Variants in DIAPH3 observed in about 807,000 individuals in gnomAD.
DIAPH3 encodes the protein diaphanous related formin 3, also known as protein diaphanous homolog 3.
In DIAPH3, 117 loss-of-function variants were observed where a neutral mutation model predicts 144.3. The observed-to-expected ratio is 0.81, with a 90% confidence interval of 0.70 to 0.95. The LOEUF is 0.95. Ranked by LOEUF, DIAPH3 falls within the 40% of genes least tolerant of loss-of-function variation. The pLI is 0.00. For missense variants in DIAPH3, 1,421 were observed against 1,412.7 expected (o/e 1.01, Z -0.09); for synonymous variants, 519 against 488.9 (o/e 1.06, Z -0.81).
intron 27 of DIAPH3, among the ~76,000 whole-genome samples, chr13:59,751,519 T>C (rs2037005566): frequency 6.6e-6 from 1 of 152,244 alleles, no homozygotes; most frequent in South Asian, 2.1e-4. Flanking sequence ...GAGTGTTATT[T>C]ACAAATCCAT....
intron 12 of DIAPH3, among the ~76,000 whole-genome samples, chr13:59,987,007 T>C (rs1437339477): frequency 6.6e-6 from 1 of 152,044 alleles, no homozygotes; most frequent in African/African-American, 2.4e-5. Flanking sequence ...ATCATGCTGC[T>C]ATAAAGACAC....
At chr13:59,968,584 A>G (rs1434970038) in intron 17 of DIAPH3, among the ~76,000 whole-genome samples, 1 of 152,154 alleles carries the variant, frequency 6.6e-6, no homozygotes, top group African/African-American at 2.4e-5. Context: ...CCAAAAATAT[A>G]CCATTTTTAA....
In DIAPH3 at chr13:60,015,953, T is replaced by C; in HGVS notation, c.731A>G (p.His244Arg). 1 of 1,613,534 alleles carries C rather than the reference T, an allele frequency of 6.2e-7. No individual in the cohort carries two copies. The highest frequency in any genetic ancestry group is 8.5e-7 in the Non-Finnish European group (1 of 1,179,806). The part of the protein sequence containing the change: ...IQEKVVKKNQ[H>R]KVIQCLKALM... ...GGCTTTTAGACACTGTATGACTTTA[T>C]GTTGATTTTTCTTTACAACTTTTTC... Residue 244 changes from histidine (H) to arginine (R), a missense_variant, in exon 7 of 28, where the codon CAT becomes CGT. Physicochemically the swap from His to Arg is conservative, Grantham distance 29. Coordinates refer to ENST00000400324, the MANE Select transcript of DIAPH3 (RefSeq NM_001042517.2).
Position 60,163,836 on chromosome 13 carries a change from A to G in DIAPH3, c.-70T>C. On this transcript the variant is annotated 5_prime_UTR_variant, in exon 1 of 28. Coordinates refer to ENST00000400324, the MANE Select transcript of DIAPH3 (RefSeq NM_001042517.2). ...CAAGCCGCAAGCTGGAAGCTGAGGG[A>G]TCGACAACAGGTTTTACTCCCGGGG... 1 of 1,525,024 alleles carries G rather than the reference A, an allele frequency of 6.6e-7. No individual in the cohort carries two copies. The highest frequency in any genetic ancestry group is 1.4e-5 in the African/African-American group (1 of 72,884). 94.5% of individuals were successfully genotyped at this position (1,525,024 alleles called of 1,614,324 possible). A position where few individuals can be genotyped will look rare whatever the true frequency, so the allele number is the denominator to read the frequency against.
intron 5 of DIAPH3, among the ~76,000 whole-genome samples, chr13:60,033,260 C>A (rs964534576): frequency 4.6e-5 from 7 of 152,204 alleles, no homozygotes; most frequent in African/African-American, 1.4e-4. Flanking sequence ...CAAATTCTTC[C>A]AACCTCTGCC....
intron 25 of DIAPH3, among the ~76,000 whole-genome samples, chr13:59,796,742 GA>G (rs377553417): frequency 5.1e-4 from 77 of 152,000 alleles, no homozygotes; most frequent in African/African-American, 1.5e-3. Flanking sequence ...CCAAAGGGGG[GA>G]AAAAAACCAT....
chr13:59,726,215 T>C (rs2035596405), intron 27 of DIAPH3, among the ~76,000 whole-genome samples: 1 of 152,190 alleles, frequency 6.6e-6, no homozygotes, highest in Admixed American at 6.5e-5. Context: ...AATTCATATG[T>C]TCATATGTCT....
chr13:59,796,997 T>C (rs1324576159), intron 25 of DIAPH3, among the ~76,000 whole-genome samples: 1 of 152,180 alleles, frequency 6.6e-6, no homozygotes, highest in Non-Finnish European at 1.5e-5. Flanking sequence ...CTGCTATTAC[T>C]TAGCTACTGG....
intron 27 of DIAPH3, among the ~76,000 whole-genome samples, chr13:59,758,728 C>T (rs1422051522): frequency 6.6e-6 from 1 of 150,764 alleles, no homozygotes; most frequent in Admixed American, 6.6e-5. Flanking sequence ...ATACACAATG[C>T]CAAGCAATTT....
intron 27 of DIAPH3, among the ~76,000 whole-genome samples, chr13:59,739,050 G>A (rs1218913830): frequency 1.3e-5 from 2 of 152,018 alleles, no homozygotes; most frequent in Admixed American, 6.6e-5. Flanking sequence ...ACATTTAAAC[G>A]CTCTCCTTAC....
At chr13:59,822,296 T>G (rs1444814696) in intron 24 of DIAPH3, among the ~76,000 whole-genome samples, 1 of 152,176 alleles carries the variant, frequency 6.6e-6, no homozygotes, top group Non-Finnish European at 1.5e-5. Flanking sequence ...CACAAGTCGC[T>G]ATGCACAAGA....
chr13:60,112,101 C>G lies in DIAPH3; in HGVS notation c.299G>C (p.Ser100Thr). The G allele has an allele frequency of 6.2e-7, 1 of 1,614,142 alleles. No homozygotes were observed. The highest frequency in any genetic ancestry group is 8.5e-7 in the Non-Finnish European group (1 of 1,179,982). The change falls in exon 3 of 28, where the codon AGT (serine) becomes ACT (threonine). Residue 100 changes from serine (S) to threonine (T), a missense_variant. Coordinates refer to ENST00000400324, the MANE Select transcript of DIAPH3 (RefSeq NM_001042517.2). Reference protein sequence around the residue: ...LPNLKTAFASSDCSAAPLEMM... With the variant: ...LPNLKTAFASTDCSAAPLEMM... ...CTCTAAAGGTGCTGCTGAGCAATCACTGCTTGCAAATGCAGTCTTCAGGTT... is the reference window on the plus strand; with the variant it reads ...CTCTAAAGGTGCTGCTGAGCAATCAGTGCTTGCAAATGCAGTCTTCAGGTT...
At position 59,879,254 on chromosome 13, in the gene DIAPH3, C is replaced by T; in HGVS notation, c.2582G>A (p.Gly861Glu). The change falls in exon 21 of 28, where the codon GGA (glycine) becomes GAA (glutamate). Residue 861 changes from glycine to glutamate, a missense_variant. Gly to Glu is a moderately conservative substitution (Grantham distance 98). Transcript: ENST00000400324. ...TTTACAGAGAGAGCTAAGGTTAAAT[C>T]CGAAGGTTTGAGCATTCCGGGAGCC... ...NAGSRNAQTFGFNLSSLCKLK... is the reference protein window; with the variant it reads ...NAGSRNAQTFEFNLSSLCKLK... 4 of 1,613,772 alleles carry T rather than the reference C, an allele frequency of 2.5e-6. No individual in the cohort carries two copies. Among genetic ancestry groups the T allele is most frequent in the Non-Finnish European group, 3.4e-6 (4 of 1,179,802 alleles).
chr13:59,938,320 T>C (rs1001897662), intron 17 of DIAPH3, among the ~76,000 whole-genome samples: 19 of 152,286 alleles, frequency 1.2e-4, no homozygotes, highest in Non-Finnish European at 2.5e-4. Flanking sequence ...TATAGCTATT[T>C]ATAACACCCG....
chr13:59,873,832 C>G (rs1224471757), intron 21 of DIAPH3, among the ~76,000 whole-genome samples: 1 of 151,786 alleles, frequency 6.6e-6, no homozygotes, highest in Non-Finnish European at 1.5e-5. Flanking sequence ...CCACTATGCC[C>G]AGATAAGTTT....
In DIAPH3 at chr13:59,666,972, A is replaced by C. The variant is rs556639901; in HGVS notation, c.3320-126T>G. On this transcript the variant is annotated intron_variant, in intron 27 of 27. Transcript: ENST00000400324. ...TAGTCTTCTTAGATAGACTAAACAA[A>C]GAAACAGTCAACAGAGTAAGACAGG... 2.2e-5 allele frequency: 25 copies of C among 1,141,414 alleles called. No homozygotes were observed. In the East Asian group the frequency reaches 6.4e-4, roughly 29 times the overall value. 70.7% of individuals were successfully genotyped at this position (1,141,414 alleles called of 1,614,324 possible). A position where few individuals can be genotyped will look rare whatever the true frequency, so the allele number is the denominator to read the frequency against.
chr13:59,740,788 C>T lies in DIAPH3; in HGVS notation c.3319+33401G>A, dbSNP rs192227770. ...TTAGAGAAAAAATATATTTACTTCC[C>T]CCTTCATATTTTTCACACTATTATA... On this transcript the variant is annotated intron_variant, in intron 27 of 27. Coordinates refer to ENST00000400324, the MANE Select transcript of DIAPH3 (RefSeq NM_001042517.2). Among the ~76,000 whole-genome samples the T allele has an allele frequency of 1.1e-4, 17 of 152,134 alleles. 1 individual carries two copies. The East Asian group carries it at 2.9e-3, about 26-fold the overall frequency.
At chr13:60,047,343 C>T (rs1410834662) in intron 4 of DIAPH3, among the ~76,000 whole-genome samples, 1 of 150,936 alleles carries the variant, frequency 6.6e-6, no homozygotes, top group Non-Finnish European at 1.5e-5. Context: ...AAATTGAAAA[C>T]TACATTCTAA....
intron 1 of DIAPH3, among the ~76,000 whole-genome samples, chr13:60,138,284 C>T (rs2059342124): frequency 6.6e-6 from 1 of 152,160 alleles, no homozygotes; most frequent in Non-Finnish European, 1.5e-5. Context: ...GAAGTCATGC[C>T]TGTAATGATG....
Sources: gnomAD v4.1 joint callset for allele counts (sites outside exome capture counted in the v4.1 genomes callset) on GRCh38, gnomAD v4.1.1 for gene constraint, MANE v1.5 for transcripts, NCBI Gene and HGNC (gene_info 2026-07-23, HGNC 2026-07-21) for gene names.